The following HIVEP3 variants were observed in gnomAD, a reference collection of about 807,000 sequenced individuals.
The protein encoded by HIVEP3 is HIVEP zinc finger 3, also known as transcription factor HIVEP3.
A neutral mutation model predicts 152.8 loss-of-function variants in HIVEP3; 49 were observed. The observed-to-expected ratio is 0.32, with a 90% CI of 0.26 to 0.41. The LOEUF (loss-of-function observed/expected upper bound fraction) is 0.41, where lower values mean the gene tolerates loss of function less well. Ranked by LOEUF, HIVEP3 falls within the 10% of genes least tolerant of loss-of-function variation. The pLI, the probability that HIVEP3 is intolerant of heterozygous loss-of-function variation, is 1.00. For synonymous variants in HIVEP3, 1,269 were observed against 1,289.0 expected, an observed-to-expected ratio of 0.98 and a Z score of 0.33; for missense variants, 2,790 against 3,103.3, an observed-to-expected ratio of 0.90 and a Z score of 2.40.
chr1:41,639,408 A>G (rs1645337960), intron 2 of HIVEP3, among the ~76,000 whole-genome samples: 1 of 152,192 alleles, frequency 6.6e-6, no homozygotes, highest in African/African-American at 2.4e-5. Context: ...ATCCATTACT[A>G]GCTCACTTTC....
chr1:41,976,245 C>G (rs752596181), intron 1 of HIVEP3, among the ~76,000 whole-genome samples: 5 of 152,230 alleles, frequency 3.3e-5, no homozygotes, highest in Admixed American at 2.6e-4. Flanking sequence ...TTTGTGGCGT[C>G]ATTCATTAAT....
rs958008285 is a variant in HIVEP3 at position 41,664,656 on chromosome 1, C to T, written c.-720-35709G>A. On this transcript the variant is annotated intron_variant, in intron 2 of 8. Transcript: ENST00000372583. The surrounding 1 kb of genome is among the most constrained non-coding windows in gnomAD (Gnocchi z 4.4). ...TGGTCCTGAGGGGCAAATCCTAAGA[C>T]AAACTAACCAGAGGACGGGGGAGAA... Among the ~76,000 whole-genome samples, 12 of 152,198 alleles carry T rather than the reference C, an allele frequency of 7.9e-5. No homozygotes were observed. The highest frequency in any genetic ancestry group is 2.6e-4 in the Admixed American group (4 of 15,282).
At chr1:41,576,915 C>G (rs1171733510) in intron 4 of HIVEP3, among the ~76,000 whole-genome samples, 2 of 152,186 alleles carry the variant, frequency 1.3e-5, no homozygotes, top group Non-Finnish European at 2.9e-5. Flanking sequence ...GGAGTGGAAA[C>G]CGAGCAAGAA....
intron 1 of HIVEP3, among the ~76,000 whole-genome samples, chr1:41,898,566 A>C (rs1384364241): frequency 1.3e-5 from 2 of 152,234 alleles, no homozygotes; most frequent in East Asian, 3.9e-4. Flanking sequence ...GCCTGCCCAC[A>C]TGTAAACAGA....
chr1:42,020,035 G>A (rs553947604), intron 1 of HIVEP3, among the ~76,000 whole-genome samples: 1 of 151,868 alleles, frequency 6.6e-6, no homozygotes, highest in South Asian at 2.1e-4. Flanking sequence ...AACTACTCTT[G>A]AATTCCTAAA....
At chr1:41,839,912 G>A (rs1379067097) in intron 1 of HIVEP3, among the ~76,000 whole-genome samples, 7 of 152,150 alleles carry the variant, frequency 4.6e-5, no homozygotes, top group Non-Finnish European at 1.0e-4. Context: ...GAGCCTCACT[G>A]TCTGCCATGG....
At chr1:41,564,499 T>C (rs1270957873) in intron 5 of HIVEP3, among the ~76,000 whole-genome samples, 1 of 152,080 alleles carries the variant, frequency 6.6e-6, no homozygotes, top group Non-Finnish European at 1.5e-5. Flanking sequence ...CCCATCACTG[T>C]GAGACGTCAT....
chr1:41,695,751 C>T (rs1221430280), intron 2 of HIVEP3, among the ~76,000 whole-genome samples: 1 of 152,202 alleles, frequency 6.6e-6, no homozygotes, highest in East Asian at 1.9e-4. Flanking sequence ...TAGATTTGTG[C>T]TTTAGAAACA....
chr1:41,580,316 C>T lies in HIVEP3; in HGVS notation c.4482G>A (p.Arg1494=). The change falls in exon 4 of 9, where the codon AGG becomes AGA. Residue 1494 remains arginine (R), a synonymous_variant. Coordinates refer to ENST00000372583, the MANE Select transcript of HIVEP3 (RefSeq NM_024503.5). ...ACAGGCTGGACAGCATTTCTAGCTC[C>T]CTCCTGCCTTGGCCCTGGTTGCCTA... is the stretch of plus-strand genomic sequence containing the variant. ...SHLGNQGQGR[R]ELEMLSSLSS... The T allele has an allele frequency of 2.5e-6, 4 of 1,614,228 alleles. No homozygotes were observed. Among genetic ancestry groups the T allele is most frequent in the Non-Finnish European group, 3.4e-6 (4 of 1,180,046 alleles).
chr1:41,593,976 A>AG (rs1235269836), intron 3 of HIVEP3, among the ~76,000 whole-genome samples: 1 of 152,202 alleles, frequency 6.6e-6, no homozygotes, highest in Non-Finnish European at 1.5e-5. Context: ...GGTAACAGCC[A>AG]GCCGCATCTT....
At chr1:41,607,248 T>C (rs1644834238) in intron 3 of HIVEP3, among the ~76,000 whole-genome samples, 1 of 152,258 alleles carries the variant, frequency 6.6e-6, no homozygotes. Flanking sequence ...CCTCTGGATC[T>C]ATCCTCCATG....
At chr1:41,755,025 G>A (rs572082483) in intron 1 of HIVEP3, among the ~76,000 whole-genome samples, 6 of 152,250 alleles carry the variant, frequency 3.9e-5, no homozygotes, top group Non-Finnish European at 7.4e-5. Flanking sequence ...GAAAAATAAG[G>A]TGAGAAGCAT....
intron 1 of HIVEP3, among the ~76,000 whole-genome samples, chr1:41,793,114 A>G (rs902533613): frequency 6.6e-6 from 1 of 152,208 alleles, no homozygotes; most frequent in African/African-American, 2.4e-5. Flanking sequence ...TGTGCCATGA[A>G]GCAGTGGACA....
chr1:41,524,517 T>C (rs1642846845), intron 6 of HIVEP3, among the ~76,000 whole-genome samples: 2 of 152,092 alleles, frequency 1.3e-5, no homozygotes, highest in Non-Finnish European at 2.9e-5. Flanking sequence ...GCTGTGTGTG[T>C]GTTCCAGGAG....
At chr1:41,845,205 A>T (rs200103882) in intron 1 of HIVEP3, among the ~76,000 whole-genome samples, 1 of 151,780 alleles carries the variant, frequency 6.6e-6, no homozygotes. Flanking sequence ...AGAGACTACA[A>T]TATGTTTATT....
At chr1:42,013,856 T>C (rs2124531047) in intron 1 of HIVEP3, among the ~76,000 whole-genome samples, 1 of 152,332 alleles carries the variant, frequency 6.6e-6, no homozygotes, top group East Asian at 1.9e-4. Context: ...ACATCTCCTG[T>C]TTAATCCTTA....
chr1:41,527,770 A>T (rs1271793388), intron 5 of HIVEP3, among the ~76,000 whole-genome samples: 1 of 123,848 alleles, frequency 8.1e-6, no homozygotes, highest in Non-Finnish European at 1.7e-5. Flanking sequence ...CACACTCCAC[A>T]CTCCTGCACT....
intron 4 of HIVEP3, among the ~76,000 whole-genome samples, chr1:41,577,367 G>C (rs1009447430): frequency 2.6e-5 from 4 of 152,204 alleles, no homozygotes; most frequent in African/African-American, 9.6e-5. Context: ...CTAAGGCTCA[G>C]AGAGGTGAAG....
intron 2 of HIVEP3, among the ~76,000 whole-genome samples, chr1:41,688,621 T>C (rs1646147977): frequency 6.6e-6 from 1 of 152,268 alleles, no homozygotes; most frequent in Non-Finnish European, 1.5e-5. Flanking sequence ...TGTTCTACAC[T>C]GTAACATAGG....
Sources: allele counts gnomAD v4.1 joint callset (sites outside exome capture counted in the v4.1 genomes callset), GRCh38; gene constraint gnomAD v4.1.1; non-coding constraint Gnocchi (gnomAD v3.1); transcripts MANE v1.5; gene names NCBI Gene and HGNC (gene_info 2026-07-23, HGNC 2026-07-21).